The following PARD3 variants were observed in gnomAD, a reference collection of about 807,000 sequenced individuals.
The protein encoded by PARD3 is partitioning defective 3 homolog.
In PARD3, 75 loss-of-function variants were observed where a neutral mutation model predicts 155.4. The observed-to-expected ratio is 0.48, with a 90% CI of 0.40 to 0.58. The LOEUF is 0.58. Ranked by LOEUF, PARD3 falls within the 20% of genes least tolerant of loss-of-function variation. The pLI is 0.00. For synonymous variants in PARD3, 576 were observed against 610.5 expected, an observed-to-expected ratio of 0.94 and a Z score of 0.83; for missense variants, 1,642 against 1,721.7, an observed-to-expected ratio of 0.95 and a Z score of 0.82.
chr10:34,563,814 A>G (rs2085705267), intron 2 of PARD3, among the ~76,000 whole-genome samples: 2 of 152,110 alleles, frequency 1.3e-5, no homozygotes, highest in Non-Finnish European at 2.9e-5. Flanking sequence ...CAGGTGTGAG[A>G]TACCACACCG....
At chr10:34,318,928 G>C (rs1958192860) in intron 19 of PARD3, among the ~76,000 whole-genome samples, 1 of 151,514 alleles carries the variant, frequency 6.6e-6, no homozygotes. Context: ...ACCACGCCCA[G>C]CTAATTTTTT....
intron 4 of PARD3, among the ~76,000 whole-genome samples, chr10:34,465,480 G>A (rs1421180297): frequency 6.6e-6 from 1 of 152,096 alleles, no homozygotes; most frequent in Non-Finnish European, 1.5e-5. Context: ...TGTGTGTATC[G>A]GGGGTATTGG....
At chr10:34,311,785 C>A (rs1157675848) in intron 20 of PARD3, among the ~76,000 whole-genome samples, 4 of 152,110 alleles carry the variant, frequency 2.6e-5, no homozygotes, top group Non-Finnish European at 5.9e-5. Context: ...ACTCTGTAAT[C>A]CACAAAGGGA....
chr10:34,653,532 T>C (rs1166599438), intron 2 of PARD3, among the ~76,000 whole-genome samples: 1 of 152,116 alleles, frequency 6.6e-6, no homozygotes, highest in Non-Finnish European at 1.5e-5. Flanking sequence ...CCAGCATGTA[T>C]AGCACGAGAT....
At chr10:34,523,807 G>A (rs1174113802) in intron 2 of PARD3, among the ~76,000 whole-genome samples, 1 of 152,168 alleles carries the variant, frequency 6.6e-6, no homozygotes, top group Admixed American at 6.5e-5. Context: ...AAGTCAGGCT[G>A]TTCCATGATG....
At chr10:34,618,672 G>C (rs2091428484) in intron 2 of PARD3, among the ~76,000 whole-genome samples, 1 of 152,176 alleles carries the variant, frequency 6.6e-6, no homozygotes, top group Admixed American at 6.5e-5. Context: ...TTCTTAGCTA[G>C]GACATCCTTC....
intron 23 of PARD3, among the ~76,000 whole-genome samples, chr10:34,125,071 CTT>C (rs71523316): frequency 5.0e-5 from 7 of 140,576 alleles, no homozygotes; most frequent in Admixed American, 1.4e-4. Context: ...CTATTTCTTT[CTT>C]TTTTTTTTTT....
intron 20 of PARD3, among the ~76,000 whole-genome samples, chr10:34,308,240 G>A (rs150942424): frequency 1.3e-5 from 2 of 152,250 alleles, no homozygotes; most frequent in East Asian, 3.9e-4. Flanking sequence ...AGGCTACTGG[G>A]GGTTGAACAG....
At chr10:34,120,098 C>A (rs1946910123) in intron 23 of PARD3, among the ~76,000 whole-genome samples, 1 of 144,722 alleles carries the variant, frequency 6.9e-6, no homozygotes, top group Non-Finnish European at 1.5e-5. Flanking sequence ...CTCACTGCAG[C>A]CTTGAACTCC....
At chr10:34,672,199 G>A (rs1231922075) in intron 2 of PARD3, among the ~76,000 whole-genome samples, 6 of 152,102 alleles carry the variant, frequency 3.9e-5, no homozygotes, top group African/African-American at 1.2e-4. Context: ...TCCCTTTCAC[G>A]ACTGCCATTA....
At chr10:34,649,324 T>C (rs947633578) in intron 2 of PARD3, among the ~76,000 whole-genome samples, 12 of 152,198 alleles carry the variant, frequency 7.9e-5, no homozygotes, top group South Asian at 2.1e-4. Flanking sequence ...AGGGATTTCA[T>C]AGTTGTGCCA....
chr10:34,460,602 G>C (rs2077582803), intron 4 of PARD3, among the ~76,000 whole-genome samples: 1 of 152,150 alleles, frequency 6.6e-6, no homozygotes, highest in African/African-American at 2.4e-5. Context: ...GGGAGGCCGA[G>C]GCGGGTGGAT....
chr10:34,411,031 T>G (rs1844990836), intron 5 of PARD3, among the ~76,000 whole-genome samples: 1 of 152,192 alleles, frequency 6.6e-6, no homozygotes, highest in South Asian at 2.1e-4. Context: ...ATCTCTGACC[T>G]AGGAGCCTCA....
chr10:34,548,379 G>T (rs2084275366), intron 2 of PARD3, among the ~76,000 whole-genome samples: 2 of 151,970 alleles, frequency 1.3e-5, no homozygotes, highest in Non-Finnish European at 1.5e-5. Flanking sequence ...CATGACTGTA[G>T]TCCCAGCTAC....
chr10:34,501,253 G>C (rs1349641768), intron 3 of PARD3, among the ~76,000 whole-genome samples: 1 of 152,094 alleles, frequency 6.6e-6, no homozygotes, highest in Non-Finnish European at 1.5e-5. Flanking sequence ...TCATGGTTTG[G>C]TGCTGTCTTC....
At chr10:34,428,818 T>C (rs1334815815) in intron 5 of PARD3, among the ~76,000 whole-genome samples, 1 of 152,180 alleles carries the variant, frequency 6.6e-6, no homozygotes, top group African/African-American at 2.4e-5. Flanking sequence ...TAACGCTAAA[T>C]TTTATGTAAG....
At chr10:34,165,794 C>T (rs888510916) in intron 22 of PARD3, among the ~76,000 whole-genome samples, 3 of 152,128 alleles carry the variant, frequency 2.0e-5, no homozygotes, top group Non-Finnish European at 2.9e-5. Context: ...TTTGTTTGTT[C>T]CGTTCTCATT....
At chr10:34,764,656 A>C (rs1455754212) in intron 1 of PARD3, among the ~76,000 whole-genome samples, 1 of 151,346 alleles carries the variant, frequency 6.6e-6, no homozygotes, top group Non-Finnish European at 1.5e-5. Context: ...ATGAAACATT[A>C]CTAAAAAAAA....
At chr10:34,614,901 G>A (rs1344244489) in intron 2 of PARD3, among the ~76,000 whole-genome samples, 5 of 152,174 alleles carry the variant, frequency 3.3e-5, no homozygotes, top group Non-Finnish European at 7.3e-5. Context: ...AAAGCAGGCC[G>A]GGCACGGTGG....
Sources: allele counts gnomAD v4.1 joint callset (sites outside exome capture counted in the v4.1 genomes callset), GRCh38; gene constraint gnomAD v4.1.1; transcripts MANE v1.5; gene names NCBI Gene and HGNC (gene_info 2026-07-23, HGNC 2026-07-21).